The following SPINK5 variants were observed in gnomAD, a reference collection of about 807,000 sequenced individuals.
SPINK5 encodes the protein serine peptidase inhibitor Kazal type 5.
A neutral mutation model predicts 151.8 loss-of-function variants in SPINK5; 125 were observed. The ratio of observed to expected loss-of-function variants is 0.82; its 90% confidence interval spans 0.71 to 0.96. The LOEUF is 0.96. Among genes scored for constraint, SPINK5 ranks in the 40% least tolerant of loss-of-function variants. The pLI is 0.00. For synonymous variants in SPINK5, 374 were observed against 395.3 expected (o/e 0.95, Z 0.64); for missense variants, 1,194 against 1,291.9 (o/e 0.92, Z 1.16).
At chr5:148,088,663 T>G in intron 6 of SPINK5, 58 bp downstream of exon 6, 1 of 1,536,868 alleles carries the variant, frequency 6.5e-7, no homozygotes. Flanking sequence ...AAATAGTAAG[T>G]AGGTGCTCTC....
At chr5:148,095,674 G>T in intron 9 of SPINK5, 144 bp from the exon 10 acceptor site, 2 of 675,012 alleles carry the variant, frequency 3.0e-6, no homozygotes, top group Non-Finnish European at 5.3e-6. Context: ...TGAAATTAAA[G>T]GGTCTTTTTG....
At chr5:148,088,505 A>T (rs1256013982) in intron 5 of SPINK5, 37 bp from the exon 6 acceptor site, 4 of 1,592,408 alleles carry the variant, frequency 2.5e-6, no homozygotes, top group South Asian at 1.1e-5. Context: ...AAGTTCTGTG[A>T]TATTAAACTG....
chr5:148,116,022 A>G (rs1754078503), intron 21 of SPINK5, among the ~76,000 whole-genome samples: 1 of 151,952 alleles, frequency 6.6e-6, no homozygotes, highest in South Asian at 2.1e-4. Context: ...GTGTTTTGCC[A>G]TGTTGGCCAG....
At chr5:148,126,068 T>C (rs1271421525) in intron 29 of SPINK5, among the ~76,000 whole-genome samples, 1 of 152,234 alleles carries the variant, frequency 6.6e-6, no homozygotes, top group Non-Finnish European at 1.5e-5. Flanking sequence ...AGATGTATAC[T>C]AGCTGTGTCA....
chr5:148,104,284 T>G (rs981664253), intron 15 of SPINK5, among the ~76,000 whole-genome samples: 4 of 152,036 alleles, frequency 2.6e-5, no homozygotes, highest in Admixed American at 6.6e-5. Flanking sequence ...GGCTCCAGAG[T>G]CTTTCCTCTT....
chr5:148,136,933 C>T (rs1754709055), intron 32 of SPINK5, 50 bp from the exon 33 acceptor site: 1 of 1,610,774 alleles, frequency 6.2e-7, no homozygotes, highest in Non-Finnish European at 8.5e-7. Flanking sequence ...GCCCACATTT[C>T]TGCAATATCT....
Position 148,120,378 on chromosome 5 carries a change from G to T in SPINK5, c.2525G>T (p.Ser842Ile). Reference protein sequence around the residue: ...TGERSNTGERSNDKEDLCREF... With the variant: ...TGERSNTGERINDKEDLCREF... ...GAAAGGAGCAATACAGGAGAAAGGA[G>T]CAATGACAAAGAGGTAATAGATGTT... Residue 842 changes from serine (S) to isoleucine (I), a missense_variant, in exon 26 of 33, where the codon AGC becomes ATC. Physicochemically the swap from Ser to Ile is moderately radical, Grantham distance 142 (BLOSUM62 -2). Transcript: ENST00000256084. The T allele has an allele frequency of 1.9e-6, 3 of 1,599,466 alleles. No individual in the cohort carries two copies. Among genetic ancestry groups the T allele is most frequent in the Non-Finnish European group, 2.6e-6 (3 of 1,171,846 alleles).
chr5:148,107,104 C>T lies in SPINK5; in HGVS notation c.1547C>T (p.Pro516Leu), dbSNP rs193173267. 1.2e-6 allele frequency: 2 copies of T among 1,613,432 alleles called. No homozygotes were observed. The highest frequency in any genetic ancestry group is 1.7e-6 in the Non-Finnish European group (2 of 1,179,606). Reference sequence around the variant, plus strand: ...CTTATATGCACCAGGGAGCATAATCCTGTCCGTGGCCCAGATGGCAAAATG... The same window carrying T: ...CTTATATGCACCAGGGAGCATAATCTTGTCCGTGGCCCAGATGGCAAAATG... The part of the protein sequence containing the change: ...GTLICTREHN[P>L]VRGPDGKMHG... Residue 516 changes from proline (P) to leucine (L), a missense_variant, in exon 17 of 33, where the codon CCT becomes CTT. Transcript: ENST00000256084.
intron 27 of SPINK5, 89 bp from the exon 28 acceptor site, chr5:148,124,676 T>C: frequency 4.1e-6 from 4 of 987,364 alleles, no homozygotes; most frequent in Non-Finnish European, 2.8e-6. Context: ...GATTTGCTAA[T>C]GTTTAGAATC....
chr5:148,129,622 G>T (rs1217501475), intron 30 of SPINK5, among the ~76,000 whole-genome samples: 4 of 151,994 alleles, frequency 2.6e-5, no homozygotes, highest in Non-Finnish European at 4.4e-5. Context: ...CCTTTGCCAG[G>T]GTTTCATATA....
intron 26 of SPINK5, among the ~76,000 whole-genome samples, chr5:148,123,632 T>C (rs996648180): frequency 2.0e-5 from 3 of 150,794 alleles, no homozygotes; most frequent in East Asian, 2.0e-4. Context: ...AAGACAATCA[T>C]TTGATAGAGA....
chr5:148,065,691 A>G (rs1255720482), intron 2 of SPINK5, among the ~76,000 whole-genome samples: 2 of 152,210 alleles, frequency 1.3e-5, no homozygotes, highest in Non-Finnish European at 2.9e-5. Context: ...TCCATTTAAC[A>G]TCTCAACAAG....
At position 148,123,895 on chromosome 5, in the gene SPINK5, T is replaced by C. The variant is rs1271302480; in HGVS notation, c.2601T>C (p.Asn867=). 1 of 1,613,878 alleles carries C rather than the reference T, an allele frequency of 6.2e-7. No individual in the cohort carries two copies. The change falls in exon 27 of 33, where the codon AAT becomes AAC. Residue 867 remains asparagine (N), a synonymous_variant. Transcript: ENST00000256084. ...RNGKLICTRE[N]NPVRGPYGKM... is the part of the protein sequence containing the mutation. ...GAAAGCTTATCTGCACCAGAGAAAA[T>C]AACCCTGTTCGAGGCCCATATGGCA...
intron 21 of SPINK5, among the ~76,000 whole-genome samples, chr5:148,114,793 T>C (rs1255796743): frequency 1.3e-5 from 2 of 152,192 alleles, no homozygotes; most frequent in African/African-American, 4.8e-5. Flanking sequence ...CTCTGGATTA[T>C]CTCGCAACTC....
At chr5:148,123,462 T>TATCTATATATA (rs1480587727) in intron 26 of SPINK5, among the ~76,000 whole-genome samples, 1 of 138,662 alleles carries the variant, frequency 7.2e-6, no homozygotes, top group African/African-American at 2.9e-5. Flanking sequence ...TATAATCTTG[T>TATCTATATATA]TATATATATG....
chr5:148,104,752 C>T (rs559991939), intron 15 of SPINK5, among the ~76,000 whole-genome samples, 200 bp from the exon 16 acceptor site: 35 of 151,972 alleles, frequency 2.3e-4, no homozygotes, highest in Admixed American at 1.2e-3. Flanking sequence ...AAAACTTAGC[C>T]GAGTGTGGTG....
rs1754184300 is a variant in SPINK5, at chr5:148,119,126, T to C, written c.2313+68T>C. ...AGTCAGCAGTTGGCGATCAAAACTA[T>C]AGAAGAAGGTGTCAACATGATCAAG... is the stretch of plus-strand genomic sequence containing the variant. On this transcript the variant is annotated intron_variant, in intron 24 of 32. Transcript: ENST00000256084. 6.9e-6 allele frequency: 10 copies of C among 1,448,860 alleles called. No individual in the cohort carries two copies. In the Admixed American group the frequency reaches 1.3e-4, roughly 19 times the overall value. The allele number at this position is 1,448,860 out of a possible 1,614,324, so 89.8% of individuals were successfully genotyped here. A position where few individuals can be genotyped will look rare whatever the true frequency, so the allele number is the denominator to read the frequency against.
intron 16 of SPINK5, among the ~76,000 whole-genome samples, chr5:148,105,355 A>G (rs1408444598): frequency 6.6e-6 from 1 of 152,214 alleles, no homozygotes; most frequent in African/African-American, 2.4e-5. Context: ...AATAGAGAGT[A>G]TAAGATCTCA....
intron 3 of SPINK5, among the ~76,000 whole-genome samples, chr5:148,071,943 T>C (rs1581051067): frequency 6.6e-6 from 1 of 152,150 alleles, no homozygotes; most frequent in South Asian, 2.1e-4. Context: ...AAGTTAGAGA[T>C]TCTTCCTATA....
Sources: allele counts gnomAD v4.1 joint callset (sites outside exome capture counted in the v4.1 genomes callset), GRCh38; gene constraint gnomAD v4.1.1; transcripts MANE v1.5; gene names NCBI Gene and HGNC (gene_info 2026-07-23, HGNC 2026-07-21).